RAVER2: variants seen among roughly 807,000 people sequenced by gnomAD.
The protein encoded by RAVER2 is ribonucleoprotein, PTB binding 2.
RAVER2 carries 46 observed loss-of-function variants against 78.1 expected under a neutral mutation model. That is an observed-to-expected ratio of 0.59 (90% CI 0.46 to 0.75). The LOEUF is 0.75. Among genes scored for constraint, RAVER2 ranks in the 30% least tolerant of loss-of-function variants. The pLI, the probability that RAVER2 is intolerant of heterozygous loss-of-function variation, is 0.00. For synonymous variants in RAVER2, 311 were observed against 313.3 expected (o/e 0.99, Z 0.08); for missense variants, 793 against 837.5 (o/e 0.95, Z 0.66).
At chr1:64,753,818 G>C (rs1018559332) in intron 1 of RAVER2, among the ~76,000 whole-genome samples, 9 of 152,142 alleles carry the variant, frequency 5.9e-5, no homozygotes, top group Admixed American at 4.6e-4. Flanking sequence ...CACCGTGCCC[G>C]GCCTCTCATT....
intron 2 of RAVER2, among the ~76,000 whole-genome samples, 157 bp from the exon 3 acceptor site, chr1:64,777,466 G>T (rs554707782): frequency 2.0e-5 from 3 of 152,116 alleles, no homozygotes; most frequent in Admixed American, 2.0e-4. Flanking sequence ...AATAAAAAAT[G>T]TCACAATGCA....
At chr1:64,790,513 T>A (rs1218805242) in intron 5 of RAVER2, among the ~76,000 whole-genome samples, 1 of 152,234 alleles carries the variant, frequency 6.6e-6, no homozygotes. Flanking sequence ...AAAGAGAAGC[T>A]GCAAAGTGCA....
intron 1 of RAVER2, among the ~76,000 whole-genome samples, chr1:64,747,652 A>G (rs1437640350): frequency 6.6e-6 from 1 of 152,014 alleles, no homozygotes; most frequent in Non-Finnish European, 1.5e-5. Flanking sequence ...AGCTGGGATT[A>G]CATAAGCCTG....
chr1:64,760,760 A>G (rs760038321), intron 1 of RAVER2, among the ~76,000 whole-genome samples: 2 of 152,230 alleles, frequency 1.3e-5, no homozygotes, highest in Admixed American at 1.3e-4. Context: ...AGGAATTTGC[A>G]TGGTAGACAT....
At chr1:64,792,235 C>T (rs1302418194) in intron 5 of RAVER2, among the ~76,000 whole-genome samples, 1 of 152,150 alleles carries the variant, frequency 6.6e-6, no homozygotes, top group Non-Finnish European at 1.5e-5. Flanking sequence ...TTAAATCCCC[C>T]ACAAGTTGTT....
intron 1 of RAVER2, among the ~76,000 whole-genome samples, chr1:64,768,426 G>T (rs1652229576): frequency 6.6e-6 from 1 of 152,018 alleles, no homozygotes; most frequent in South Asian, 2.1e-4. Context: ...TGGTATACTT[G>T]TGAGATAGTG....
rs896639915 is a variant in RAVER2, at chr1:64,745,552, C to T, written c.249+131C>T. ...CGGCGCCGAGTGGTGAGAGCGGCCC[C>T]TCGGTTTGACTGAGTTCTTGGGGTT... On this transcript the variant is annotated intron_variant, in intron 1 of 11. Transcript: ENST00000294428. This position sits in a 1 kb window ranked among gnomAD's most constrained non-coding sequence, Gnocchi z 4.3. 1.2e-5 allele frequency: 14 copies of T among 1,191,250 alleles called. No homozygotes were observed. The highest frequency in any genetic ancestry group is 8.3e-5 in the African/African-American group (5 of 60,598). 73.8% of individuals were successfully genotyped at this position (1,191,250 alleles called of 1,614,324 possible). A position where few individuals can be genotyped will look rare whatever the true frequency, so the allele number is the denominator to read the frequency against.
intron 1 of RAVER2, among the ~76,000 whole-genome samples, chr1:64,750,948 A>C (rs752728884): frequency 2.8e-4 from 43 of 152,228 alleles, no homozygotes; most frequent in Non-Finnish European, 5.4e-4. Context: ...ATGTACTTCT[A>C]GATTTCTGGG....
intron 1 of RAVER2, among the ~76,000 whole-genome samples, chr1:64,762,383 C>G (rs1652046215): frequency 6.6e-6 from 1 of 150,710 alleles, no homozygotes; most frequent in Non-Finnish European, 1.5e-5. Context: ...CACTCAAAAT[C>G]CTAGTAGGTT....
At chr1:64,792,722 A>G (rs1173653071) in intron 5 of RAVER2, among the ~76,000 whole-genome samples, 1 of 152,222 alleles carries the variant, frequency 6.6e-6, no homozygotes, top group African/African-American at 2.4e-5. Flanking sequence ...TCACTTGAGC[A>G]CATACATAGC....
At chr1:64,828,772 T>C (rs925490129) in intron 11 of RAVER2, among the ~76,000 whole-genome samples, 33 of 152,320 alleles carry the variant, frequency 2.2e-4, no homozygotes, top group African/African-American at 7.2e-4. Flanking sequence ...AACAGATCTC[T>C]AGATTTTCAT....
Position 64,768,725 on chromosome 1 carries a change from A to T in RAVER2, c.316+3A>T. 2 of 1,499,328 alleles carry T rather than the reference A, an allele frequency of 1.3e-6. No homozygotes were observed. Among genetic ancestry groups the T allele is most frequent in the Non-Finnish European group, 1.9e-6 (2 of 1,079,094 alleles). The allele number at this position is 1,499,328 out of a possible 1,614,324, so 92.9% of individuals were successfully genotyped here. A position where few individuals can be genotyped will look rare whatever the true frequency, so the allele number is the denominator to read the frequency against. ...TGTGGACAGAAATAAACGAACAGGT[A>T]AGATTTCTATTCTAAGTGTCTAATT... On this transcript the variant is annotated splice_donor_region_variant and intron_variant, in intron 2 of 11. Transcript: ENST00000294428.
chr1:64,830,513 TATTCTG>T (rs1202104410), intron 11 of RAVER2, among the ~76,000 whole-genome samples: 8 of 152,202 alleles, frequency 5.3e-5, no homozygotes, highest in Non-Finnish European at 1.2e-4. Context: ...TCGGTGTTGA[TATTCTG>T]AGTCCGTGGG....
intron 11 of RAVER2, among the ~76,000 whole-genome samples, chr1:64,829,508 T>C (rs1654075237): frequency 6.6e-6 from 1 of 152,208 alleles, no homozygotes; most frequent in African/African-American, 2.4e-5. Context: ...ACCAAGAGGC[T>C]GGAGACTGGG....
intron 5 of RAVER2, among the ~76,000 whole-genome samples, chr1:64,795,053 A>T (rs1653059193): frequency 6.6e-6 from 1 of 152,020 alleles, no homozygotes; most frequent in African/African-American, 2.4e-5. Flanking sequence ...TTATTCTGGC[A>T]TCATTTGTTT....
At chr1:64,794,303 C>A (rs1653032852) in intron 5 of RAVER2, among the ~76,000 whole-genome samples, 1 of 149,534 alleles carries the variant, frequency 6.7e-6, no homozygotes, top group Non-Finnish European at 1.5e-5. Flanking sequence ...GAGGCTGAGG[C>A]AGGAGAATGG....
At position 64,763,434 on chromosome 1, in the gene RAVER2, G is replaced by T. The variant is rs773618678; in HGVS notation, c.250-5222G>T. ...GTCAGTAATATCATTATAAGTCAAA[G>T]AAATACAAATTAAGGCCATAGTTGG... On this transcript the variant is annotated intron_variant, in intron 1 of 11. Coordinates refer to ENST00000294428, the Ensembl canonical transcript of RAVER2. 3.8e-4 allele frequency among the ~76,000 whole-genome samples: 58 copies of T among 152,164 alleles called. 1 individual carries two copies. The highest frequency in any genetic ancestry group is 7.2e-4 in the Non-Finnish European group (49 of 68,022).
At chr1:64,768,113 C>T (rs1413328792) in intron 1 of RAVER2, among the ~76,000 whole-genome samples, 4 of 151,684 alleles carry the variant, frequency 2.6e-5, no homozygotes, top group African/African-American at 2.4e-5. Flanking sequence ...ATTTTTTCTA[C>T]GTTTGTGCTC....
chr1:64,825,813 A>G (rs569199166), intron 11 of RAVER2, among the ~76,000 whole-genome samples: 3 of 152,404 alleles, frequency 2.0e-5, no homozygotes, highest in South Asian at 4.1e-4. Context: ...ATGAAAATAA[A>G]AAGATTTGCT....
Sources: allele counts gnomAD v4.1 joint callset (sites outside exome capture counted in the v4.1 genomes callset), GRCh38; gene constraint gnomAD v4.1.1; non-coding constraint Gnocchi (gnomAD v3.1); transcripts MANE v1.5; gene names NCBI Gene and HGNC (gene_info 2026-07-23, HGNC 2026-07-21).